MACROD2: variants seen among roughly 807,000 people sequenced by gnomAD.
The protein encoded by MACROD2 is ADP-ribose glycohydrolase MACROD2.
MACROD2 carries 36 observed loss-of-function variants against 70.4 expected under a neutral mutation model. The observed-to-expected ratio is 0.51, with a 90% CI of 0.39 to 0.68. The LOEUF (loss-of-function observed/expected upper bound fraction) is 0.68, where lower values mean the gene tolerates loss of function less well. MACROD2 is among the 30% of genes least tolerant of loss of function. MACROD2 has a pLI of 0.00. For missense variants in MACROD2, 496 were observed against 538.4 expected, an observed-to-expected ratio of 0.92 and a Z score of 0.78; for synonymous variants, 172 against 178.8, an observed-to-expected ratio of 0.96 and a Z score of 0.30.
chr20:14,549,089 A>G (rs1978477010), intron 4 of MACROD2, among the ~76,000 whole-genome samples: 1 of 152,170 alleles, frequency 6.6e-6, no homozygotes, highest in South Asian at 2.1e-4. Flanking sequence ...AACAGCACTG[A>G]ATGGTCCAAG....
chr20:15,955,998 A>G (rs565625973), intron 12 of MACROD2, among the ~76,000 whole-genome samples: 1 of 152,306 alleles, frequency 6.6e-6, no homozygotes, highest in Admixed American at 6.5e-5. Context: ...TAAATTATTG[A>G]TACAATATTT....
chr20:15,393,735 T>TATA (rs1293683393), intron 6 of MACROD2, among the ~76,000 whole-genome samples: 1 of 152,184 alleles, frequency 6.6e-6, no homozygotes, highest in East Asian at 1.9e-4. Context: ...TAGCTCAGAG[T>TATA]ATAAGGTCTT....
At chr20:15,708,915 A>C (rs1047945093) in intron 8 of MACROD2, among the ~76,000 whole-genome samples, 5 of 152,124 alleles carry the variant, frequency 3.3e-5, no homozygotes, top group Non-Finnish European at 7.4e-5. Context: ...AGTCTAAGCA[A>C]CTCAGGAGGC....
intron 8 of MACROD2, among the ~76,000 whole-genome samples, chr20:15,725,518 A>T (rs1293882961): frequency 5.4e-5 from 2 of 36,952 alleles, no homozygotes; most frequent in African/African-American, 2.1e-4. Flanking sequence ...TAATCATGTC[A>T]TCTGCAAAAA....
At chr20:14,876,365 T>G (rs1043545118) in intron 5 of MACROD2, among the ~76,000 whole-genome samples, 1 of 152,182 alleles carries the variant, frequency 6.6e-6, no homozygotes, top group African/African-American at 2.4e-5. Flanking sequence ...TTGTGGATAT[T>G]AAGTTTTTGT....
At chr20:14,148,336 G>A (rs1329208751) in intron 3 of MACROD2, among the ~76,000 whole-genome samples, 1 of 152,196 alleles carries the variant, frequency 6.6e-6, no homozygotes, top group Non-Finnish European at 1.5e-5. Flanking sequence ...TGGTGAATAA[G>A]CAGTTGAAGA....
chr20:15,127,474 G>A (rs2076075076), intron 5 of MACROD2, among the ~76,000 whole-genome samples: 1 of 152,000 alleles, frequency 6.6e-6, no homozygotes, highest in Admixed American at 6.6e-5. Context: ...AACACCTTAG[G>A]TGAGAGATTC....
intron 3 of MACROD2, among the ~76,000 whole-genome samples, chr20:14,136,301 G>T (rs2054796570): frequency 6.6e-6 from 1 of 152,106 alleles, no homozygotes; most frequent in South Asian, 2.1e-4. Flanking sequence ...ATAATTCATA[G>T]AGGAATAAAA....
At chr20:15,715,775 A>G (rs1186747610) in intron 8 of MACROD2, among the ~76,000 whole-genome samples, 3 of 152,116 alleles carry the variant, frequency 2.0e-5, no homozygotes, top group Non-Finnish European at 4.4e-5. Flanking sequence ...TTGAGAACTT[A>G]TTTGCCTGCC....
chr20:14,287,162 C>T (rs951516120), intron 3 of MACROD2, among the ~76,000 whole-genome samples: 3 of 152,064 alleles, frequency 2.0e-5, no homozygotes, highest in Non-Finnish European at 2.9e-5. Flanking sequence ...ATTGTTGTAT[C>T]CTTAAGAGGC....
chr20:15,626,447 A>G (rs2049203608), intron 8 of MACROD2, among the ~76,000 whole-genome samples: 1 of 152,216 alleles, frequency 6.6e-6, no homozygotes, highest in African/African-American at 2.4e-5. Flanking sequence ...TTGCCAGTAA[A>G]TTCAGCTCAT....
chr20:15,005,701 C>T (rs928512912), intron 5 of MACROD2, among the ~76,000 whole-genome samples: 17 of 152,008 alleles, frequency 1.1e-4, no homozygotes, highest in East Asian at 3.9e-4. Context: ...TCTCAAATTG[C>T]GAATTCTGAG....
chr20:15,200,562 C>T (rs867695877), intron 5 of MACROD2, among the ~76,000 whole-genome samples: 1 of 152,136 alleles, frequency 6.6e-6, no homozygotes, highest in Non-Finnish European at 1.5e-5. Context: ...ATATTAACTA[C>T]GTAAGGGGAT....
intron 5 of MACROD2, among the ~76,000 whole-genome samples, chr20:15,100,473 C>G (rs893603273): frequency 3.9e-5 from 6 of 152,150 alleles, no homozygotes; most frequent in African/African-American, 1.2e-4. Context: ...AGAAACTGGA[C>G]TCCCGTACAA....
chr20:14,757,710 C>G, intron 5 of MACROD2: 1 of 1,500,944 alleles, frequency 6.7e-7, no homozygotes, highest in Non-Finnish European at 9.3e-7. Flanking sequence ...GCCATGCAGT[C>G]TCTCAAGTCC....
At chr20:15,331,036 A>C (rs540311379) in intron 6 of MACROD2, among the ~76,000 whole-genome samples, 1 of 151,714 alleles carries the variant, frequency 6.6e-6, no homozygotes, top group South Asian at 2.1e-4. Context: ...AAAAGAGAAA[A>C]TCGTGACATC....
At chr20:14,917,259 G>A (rs554037541) in intron 5 of MACROD2, among the ~76,000 whole-genome samples, 6 of 150,408 alleles carry the variant, frequency 4.0e-5, no homozygotes, top group African/African-American at 1.2e-4. Flanking sequence ...GTGTGACATC[G>A]GGTCTCTATT....
At chr20:14,218,196 G>C (rs1410643892) in intron 3 of MACROD2, among the ~76,000 whole-genome samples, 2 of 152,160 alleles carry the variant, frequency 1.3e-5, no homozygotes, top group Non-Finnish European at 2.9e-5. Flanking sequence ...GGGAGCCCCA[G>C]TGTTAGGTGC....
chr20:14,504,369 G>A lies in MACROD2; in HGVS notation c.301+10861G>A, dbSNP rs575973614. Among the ~76,000 whole-genome samples the A allele has an allele frequency of 1.1e-4, 16 of 152,258 alleles. No homozygotes were observed. The South Asian group carries it at 3.1e-3, about 30-fold the overall frequency. On this transcript the variant is annotated intron_variant, in intron 4 of 17. Coordinates refer to ENST00000684519, the MANE Select transcript of MACROD2 (RefSeq NM_001351661.2). ...GATGGAAGATCAAAAGCTCAGTGAG[G>A]TTAGGATGAATAAAATATTGGGCAG...
Sources: gnomAD v4.1 joint callset for allele counts (sites outside exome capture counted in the v4.1 genomes callset) on GRCh38, gnomAD v4.1.1 for gene constraint, MANE v1.5 for transcripts, NCBI Gene and HGNC (gene_info 2026-07-23, HGNC 2026-07-21) for gene names.